SMCHD1: variants seen among roughly 807,000 people sequenced by gnomAD.
SMCHD1 encodes structural maintenance of chromosomes flexible hinge domain-containing protein 1.
In SMCHD1, 78 loss-of-function variants were observed where a neutral mutation model predicts 254.7. The ratio of observed to expected loss-of-function variants is 0.31; its 90% CI spans 0.26 to 0.37. The LOEUF (loss-of-function observed/expected upper bound fraction) is 0.37, where lower values mean the gene tolerates loss of function less well. Among genes scored for constraint, SMCHD1 ranks in the 10% least tolerant of loss-of-function variants. The pLI, the probability that SMCHD1 is intolerant of heterozygous loss-of-function variation, is 1.00. For missense variants in SMCHD1, 1,840 were observed against 2,408.1 expected (o/e 0.76, Z 4.94); for synonymous variants, 766 against 794.9 (o/e 0.96, Z 0.61).
intron 5 of SMCHD1, among the ~76,000 whole-genome samples, chr18:2,686,913 C>G (rs1304954843): frequency 6.6e-6 from 1 of 151,876 alleles, no homozygotes; most frequent in Non-Finnish European, 1.5e-5. Context: ...CTTTCTGTTT[C>G]TGTTTCTTCT....
chr18:2,793,542 G>A (rs1023980215), intron 45 of SMCHD1, among the ~76,000 whole-genome samples: 2 of 151,598 alleles, frequency 1.3e-5, no homozygotes, highest in African/African-American at 2.4e-5. Context: ...GCGGGCGCCT[G>A]TAGTCCCAGC....
chr18:2,713,258 A>G (rs8092983), intron 17 of SMCHD1, among the ~76,000 whole-genome samples: 44,810 of 152,120 alleles, frequency 0.29, 6,844 homozygotes, highest in East Asian at 0.5. Context: ...ATAGGAGGTA[A>G]TTAATTAATA....
At chr18:2,800,102 G>A (rs1468940825) in intron 47 of SMCHD1, among the ~76,000 whole-genome samples, 3 of 152,046 alleles carry the variant, frequency 2.0e-5, no homozygotes, top group Non-Finnish European at 4.4e-5. Flanking sequence ...AATAATAGGA[G>A]ACAGTCTGCC....
rs778853203 is a variant in SMCHD1 at position 2,796,442 on chromosome 18, C to T, written c.5914C>T (p.Arg1972Cys). ...TPIRKCNDSL[R>C]HSPKVETTDC... ...CATACGTAAGTGTAATGACTCATTG[C>T]GTCATTCACCAAAGGTTGAGACGAC... Residue 1972 changes from arginine to cysteine, a missense_variant, in exon 47 of 48, where the codon CGT becomes TGT. This residue lies in a region of SMCHD1 where 132 missense variants were observed against 138.2 expected (regional missense o/e 0.95). Coordinates refer to ENST00000320876, the MANE Select transcript of SMCHD1 (RefSeq NM_015295.3). 70 of 1,602,712 alleles carry T rather than the reference C, an allele frequency of 4.4e-5. No individual in the cohort carries two copies. The highest frequency in any genetic ancestry group is 3.8e-4 in the Admixed American group (22 of 58,606).
chr18:2,733,000 A>G lies in SMCHD1; in HGVS notation c.3276+508A>G, dbSNP rs555519966. Among the ~76,000 whole-genome samples, 9 of 152,360 alleles carry G rather than the reference A, an allele frequency of 5.9e-5. No individual in the cohort carries two copies. The South Asian group carries it at 8.3e-4, about 14-fold the overall frequency. On this transcript the variant is annotated intron_variant, in intron 25 of 47. Coordinates refer to ENST00000320876, the MANE Select transcript of SMCHD1 (RefSeq NM_015295.3). Reference sequence around the variant, plus strand: ...TCCTCATCAACCTGCTGTCATCTAAATATGACATTTGTACCTTGATAGGGT... The same window carrying G: ...TCCTCATCAACCTGCTGTCATCTAAGTATGACATTTGTACCTTGATAGGGT...
At chr18:2,777,098 A>C (rs1004143999) in intron 42 of SMCHD1, among the ~76,000 whole-genome samples, 1 of 146,420 alleles carries the variant, frequency 6.8e-6, no homozygotes, top group Admixed American at 7.0e-5. Context: ...TGTGAGAAGA[A>C]TTTTTTTCTC....
At chr18:2,768,173 A>AAG (rs1415662310) in intron 37 of SMCHD1, among the ~76,000 whole-genome samples, 1 of 152,128 alleles carries the variant, frequency 6.6e-6, no homozygotes, top group East Asian at 1.9e-4. Flanking sequence ...TTAAAAAAAA[A>AAG]AGACAAACCG....
chr18:2,771,307 A>C (rs2075979966), intron 39 of SMCHD1, among the ~76,000 whole-genome samples: 1 of 152,212 alleles, frequency 6.6e-6, no homozygotes, highest in Non-Finnish European at 1.5e-5. Context: ...GCAGTATATC[A>C]TATCTCCCTT....
chr18:2,732,109 AC>A (rs763107241), intron 24 of SMCHD1, among the ~76,000 whole-genome samples, 155 bp from the exon 25 acceptor site: 7 of 152,262 alleles, frequency 4.6e-5, no homozygotes, highest in Non-Finnish European at 1.0e-4. Flanking sequence ...GGTATAAAAT[AC>A]GGAATTATTA....
At chr18:2,737,357 A>G (rs1406835726) in intron 25 of SMCHD1, among the ~76,000 whole-genome samples, 1 of 152,212 alleles carries the variant, frequency 6.6e-6, no homozygotes. Flanking sequence ...AAACTTGTAT[A>G]CGTACCTACT....
chr18:2,740,969 G>C (rs540221643), intron 28 of SMCHD1, 148 bp downstream of exon 28: 47 of 554,014 alleles, frequency 8.5e-5, no homozygotes, highest in Non-Finnish European at 1.4e-4. Context: ...ACTTGAAAAA[G>C]TTTGAACATA....
chr18:2,790,065 C>T (rs2076296075), intron 45 of SMCHD1, among the ~76,000 whole-genome samples: 1 of 152,166 alleles, frequency 6.6e-6, no homozygotes, highest in Admixed American at 6.5e-5. Context: ...GCCTGTAGTC[C>T]CAGCTATTCA....
intron 28 of SMCHD1, among the ~76,000 whole-genome samples, chr18:2,743,326 GA>G (rs565132116): frequency 1.3e-5 from 2 of 152,108 alleles, no homozygotes; most frequent in Non-Finnish European, 2.9e-5. Context: ...TAAAGAAGGG[GA>G]TAGATAGTAT....
At chr18:2,713,982 A>G (rs1435818765) in intron 17 of SMCHD1, among the ~76,000 whole-genome samples, 1 of 152,188 alleles carries the variant, frequency 6.6e-6, no homozygotes, top group Non-Finnish European at 1.5e-5. Flanking sequence ...GTTGGGTAGA[A>G]TGTTGTGTAA....
intron 34 of SMCHD1, among the ~76,000 whole-genome samples, chr18:2,754,889 A>C (rs556575012): frequency 6.6e-6 from 1 of 151,426 alleles, no homozygotes; most frequent in African/African-American, 2.4e-5. Context: ...TAATCCCAGC[A>C]CTTTGGGAGG....
intron 5 of SMCHD1, among the ~76,000 whole-genome samples, chr18:2,679,466 C>T (rs1330514708): frequency 2.0e-4 from 18 of 90,474 alleles, no homozygotes; most frequent in African/African-American, 6.1e-4. Flanking sequence ...GGTGACAGAG[C>T]GAGACTCCAT....
Position 2,697,015 on chromosome 18 carries a change from A to T in SMCHD1, c.1041-17A>T. 2.8e-6 allele frequency: 3 copies of T among 1,081,912 alleles called. No homozygotes were observed. The highest frequency in any genetic ancestry group is 2.6e-6 in the Non-Finnish European group (2 of 759,872). The allele number at this position is 1,081,912 out of a possible 1,614,324, so 67.0% of individuals were successfully genotyped here. The stretch of plus-strand genomic sequence containing the variant: ...TTATGTGAATTAAAAGTATAAAATT[A>T]TTCTTCTCTATTTTAGGCATATTTA... On this transcript the variant is annotated splice_polypyrimidine_tract_variant and intron_variant, in intron 8 of 47. Transcript: ENST00000320876.
intron 36 of SMCHD1, among the ~76,000 whole-genome samples, chr18:2,762,644 CTAGTTT>C (rs1303916111): frequency 6.6e-6 from 1 of 151,934 alleles, no homozygotes; most frequent in Non-Finnish European, 1.5e-5. Flanking sequence ...CCACACCTGG[CTAGTTT>C]TAAATTTTTT....
At chr18:2,778,358 G>T in intron 44 of SMCHD1, 119 bp downstream of exon 44, 1 of 663,934 alleles carries the variant, frequency 1.5e-6, no homozygotes, top group Admixed American at 3.1e-5. Context: ...TCTGCAAATT[G>T]ATAAGCAACA....
Sources: allele counts gnomAD v4.1 joint callset (sites outside exome capture counted in the v4.1 genomes callset), GRCh38; gene constraint gnomAD v4.1.1; regional missense constraint gnomAD v4.1.1; transcripts MANE v1.5; gene names NCBI Gene and HGNC (gene_info 2026-07-23, HGNC 2026-07-21).